The following PRKCI variants were observed in gnomAD, a reference collection of about 807,000 sequenced individuals.
PRKCI encodes protein kinase C iota type.
A neutral mutation model predicts 84.0 loss-of-function variants in PRKCI; 43 were observed. That is an observed-to-expected ratio of 0.51 (90% CI 0.40 to 0.66). PRKCI has a LOEUF of 0.66. PRKCI is among the 30% of genes least tolerant of loss of function. PRKCI has a pLI of 0.00. For missense variants in PRKCI, 459 were observed against 745.6 expected, an observed-to-expected ratio of 0.62 and a Z score of 4.48; for synonymous variants, 216 against 234.4, an observed-to-expected ratio of 0.92 and a Z score of 0.72.
At position 170,304,227 on chromosome 3, in the gene PRKCI, AAAAAACC is replaced by A. The variant is rs1275275009; in HGVS notation, c.*1102_*1108del. The A allele has an allele frequency of 6.6e-6, 1 of 152,156 alleles. No individual in the cohort carries two copies. Among genetic ancestry groups the A allele is most frequent in the Non-Finnish European group, 1.5e-5 (1 of 68,030 alleles). 9.4% of individuals were successfully genotyped at this position (152,156 alleles called of 1,614,324 possible). A position where few individuals can be genotyped will look rare whatever the true frequency, so the allele number is the denominator to read the frequency against. ...AAAATTACTCAGTGTATAGAAAGGA[AAAAAACC>A]AGAAATTTAAAATAGATACAGAAAA... On this transcript the variant is annotated 3_prime_UTR_variant, in exon 18 of 18. Transcript: ENST00000295797.
At chr3:170,259,057 T>G (rs538411330) in intron 2 of PRKCI, among the ~76,000 whole-genome samples, 3 of 152,070 alleles carry the variant, frequency 2.0e-5, no homozygotes, top group Admixed American at 2.0e-4. Context: ...GGCAGGAGAA[T>G]CGCTTGAACC....
chr3:170,267,883 T>C, intron 4 of PRKCI, 32 bp from the exon 5 acceptor site: 1 of 1,485,884 alleles, frequency 6.7e-7, no homozygotes, highest in Non-Finnish European at 9.1e-7. Flanking sequence ...ACTTGCTCTT[T>C]TTTCTTTTTT....
At chr3:170,297,493 C>CTAA in intron 16 of PRKCI, 100 bp downstream of exon 16, 3 of 983,818 alleles carry the variant, frequency 3.0e-6, no homozygotes, top group Non-Finnish European at 4.7e-6. Context: ...CTTGCTCTGT[C>CTAA]ACCGAGGCTG....
intron 2 of PRKCI, among the ~76,000 whole-genome samples, chr3:170,250,042 T>G (rs1329405811): frequency 3.3e-5 from 5 of 152,038 alleles, no homozygotes; most frequent in Non-Finnish European, 7.4e-5. Flanking sequence ...TTGGGAGGCC[T>G]AGGCCGGTGG....
chr3:170,237,987 C>G (rs1330530680), intron 2 of PRKCI, among the ~76,000 whole-genome samples: 1 of 152,138 alleles, frequency 6.6e-6, no homozygotes, highest in African/African-American at 2.4e-5. Flanking sequence ...AAATGACATA[C>G]AGCTGATATT....
In PRKCI at chr3:170,284,273, C is replaced by T. The variant is rs1222509558; in HGVS notation, c.1068-188C>T. 3.9e-5 allele frequency among the ~76,000 whole-genome samples: 6 copies of T among 152,102 alleles called. No individual in the cohort carries two copies. The East Asian group carries it at 1.2e-3, about 29-fold the overall frequency. On this transcript the variant is annotated intron_variant, in intron 11 of 17. Transcript: ENST00000295797. Reference sequence around the variant, plus strand: ...ATGAAAAATGTGAGTTTAAGTTAGACAGGAACTTTTACAATTGTGTCTTGG... The same window carrying T: ...ATGAAAAATGTGAGTTTAAGTTAGATAGGAACTTTTACAATTGTGTCTTGG...
chr3:170,287,328 T>C (rs925789216), intron 12 of PRKCI, among the ~76,000 whole-genome samples: 1 of 148,294 alleles, frequency 6.7e-6, no homozygotes, highest in Non-Finnish European at 1.5e-5. Flanking sequence ...ATCTAAAATA[T>C]ATATATATAT....
chr3:170,276,059 G>T (rs1034454856), intron 8 of PRKCI, among the ~76,000 whole-genome samples: 1 of 150,308 alleles, frequency 6.7e-6, no homozygotes, highest in Non-Finnish European at 1.5e-5. Context: ...TTAGCCTCCC[G>T]AGTAGCTAGG....
At chr3:170,228,682 A>T (rs1423299251) in intron 1 of PRKCI, among the ~76,000 whole-genome samples, 1 of 150,940 alleles carries the variant, frequency 6.6e-6, no homozygotes, top group Non-Finnish European at 1.5e-5. Flanking sequence ...GTAGTCTCTC[A>T]CTCCCACCTT....
intron 1 of PRKCI, among the ~76,000 whole-genome samples, chr3:170,232,312 A>G (rs1732821282): frequency 6.6e-6 from 1 of 152,128 alleles, no homozygotes; most frequent in Admixed American, 6.5e-5. Context: ...TGGCCTTTCA[A>G]AGTGCTGGGA....
At chr3:170,290,391 A>G (rs529025187) in intron 12 of PRKCI, among the ~76,000 whole-genome samples, 1 of 152,186 alleles carries the variant, frequency 6.6e-6, no homozygotes, top group Non-Finnish European at 1.5e-5. Flanking sequence ...GACCTAATAT[A>G]TGGCCAGTAG....
intron 8 of PRKCI, among the ~76,000 whole-genome samples, chr3:170,276,243 C>T (rs547256616): frequency 3.3e-5 from 5 of 151,972 alleles, no homozygotes; most frequent in Non-Finnish European, 7.4e-5. Flanking sequence ...CCAGCCAAAA[C>T]TTTGAAACAT....
chr3:170,253,922 C>A (rs781262888), intron 2 of PRKCI, among the ~76,000 whole-genome samples: 1 of 151,832 alleles, frequency 6.6e-6, no homozygotes, highest in Non-Finnish European at 1.5e-5. Flanking sequence ...CATGGTGAAA[C>A]CCTGTCTCTA....
At chr3:170,282,369 A>AAG (rs1734269186) in intron 11 of PRKCI, among the ~76,000 whole-genome samples, 1 of 152,134 alleles carries the variant, frequency 6.6e-6, no homozygotes, top group Admixed American at 6.6e-5. Flanking sequence ...TCTTCACGAT[A>AAG]AGAGTGCTAT....
rs371714535 is a variant in PRKCI, at chr3:170,291,697, AAATAAT to A, written c.1204-145_1204-140del. On this transcript the variant is annotated intron_variant, in intron 12 of 17. Coordinates refer to ENST00000295797, the MANE Select transcript of PRKCI (RefSeq NM_002740.6). ...GGGCGACAGAGCAAGACCCTGTCAA[AAATAAT>A]AATAATAATAAAGGCAATTGTTCTA... The A allele has an allele frequency of 1.3e-3, 785 of 589,234 alleles. 7 individuals carry two copies. In the African/African-American group the frequency reaches 0.013, roughly 10 times the overall value. 36.5% of individuals were successfully genotyped at this position (589,234 alleles called of 1,614,324 possible).
intron 6 of PRKCI, among the ~76,000 whole-genome samples, chr3:170,271,513 C>T (rs955288740): frequency 2.0e-5 from 3 of 152,112 alleles, no homozygotes; most frequent in African/African-American, 4.8e-5. Flanking sequence ...ATGAAATGCA[C>T]TTGTACAATT....
At chr3:170,294,174 A>G (rs775930805) in intron 14 of PRKCI, among the ~76,000 whole-genome samples, 15 of 152,290 alleles carry the variant, frequency 9.8e-5, no homozygotes, top group African/African-American at 2.4e-4. Context: ...GGCTGAGTGC[A>G]TAAGTTCAAG....
Position 170,293,423 on chromosome 3 carries a change from T to C in PRKCI, c.1332T>C (p.Phe444=), listed in dbSNP as rs1367556870. ...VDWWALGVLM[F]EMMAGRSPFD... is the part of the protein sequence containing the mutation. Reference sequence around the variant, plus strand: ...GGTGGGCTCTTGGAGTGCTCATGTTTGAGATGATGGCAGGAAGGTCTCCAT... The same window carrying C: ...GGTGGGCTCTTGGAGTGCTCATGTTCGAGATGATGGCAGGAAGGTCTCCAT... Residue 444 remains phenylalanine, a synonymous_variant, in exon 14 of 18, where the codon TTT becomes TTC. Coordinates refer to ENST00000295797, the MANE Select transcript of PRKCI (RefSeq NM_002740.6). The C allele has an allele frequency of 6.2e-7, 1 of 1,613,712 alleles. No individual in the cohort carries two copies. The highest frequency in any genetic ancestry group is 1.7e-5 in the Admixed American group (1 of 60,004).
At chr3:170,231,646 G>A (rs866859795) in intron 1 of PRKCI, among the ~76,000 whole-genome samples, 1 of 151,946 alleles carries the variant, frequency 6.6e-6, no homozygotes, top group African/African-American at 2.4e-5. Context: ...TGTAGTTTTA[G>A]TAGAGATGGG....
Sources: gnomAD v4.1 joint callset for allele counts (sites outside exome capture counted in the v4.1 genomes callset) on GRCh38, gnomAD v4.1.1 for gene constraint, MANE v1.5 for transcripts, NCBI Gene and HGNC (gene_info 2026-07-23, HGNC 2026-07-21) for gene names.